Variants in NKIRAS1 observed in about 807,000 individuals in gnomAD.
NKIRAS1 encodes NF-kappa-B inhibitor-interacting Ras-like protein 1.
In NKIRAS1, 16 loss-of-function variants were observed where a neutral mutation model predicts 19.8. The ratio of observed to expected loss-of-function variants is 0.81; its 90% CI spans 0.55 to 1.23. The LOEUF (loss-of-function observed/expected upper bound fraction) is 1.23, where lower values mean the gene tolerates loss of function less well. Ranked by LOEUF, NKIRAS1 falls within the 50% of genes most tolerant of loss-of-function variation. NKIRAS1 has a pLI of 0.00. For missense variants in NKIRAS1, 184 were observed against 220.0 expected (o/e 0.84, Z 1.04); for synonymous variants, 88 against 79.0 (o/e 1.11, Z -0.61).
intron 1 of NKIRAS1, chr3:23,916,276 GAAACA>G (rs1173669776): frequency 6.6e-6 from 1 of 151,992 alleles, no homozygotes; most frequent in East Asian, 1.9e-4. Context: ...ATATTCTGGA[GAAACA>G]AAGTAAGCCA....
upstream of NKIRAS1, chr3:23,918,068 A>G (rs1422548742): frequency 5.1e-6 from 8 of 1,582,506 alleles, no homozygotes; most frequent in Non-Finnish European, 6.9e-6. Context: ...GGATAAAATT[A>G]TATTCGAGAA....
intron 3 of NKIRAS1, among the ~76,000 whole-genome samples, chr3:23,903,140 G>T (rs1177698621): frequency 6.6e-6 from 1 of 152,076 alleles, no homozygotes; most frequent in Non-Finnish European, 1.5e-5. Flanking sequence ...TTGAGACAGG[G>T]TCTCACTTTG....
At chr3:23,901,619 T>G (rs888187569) in intron 3 of NKIRAS1, among the ~76,000 whole-genome samples, 3 of 152,214 alleles carry the variant, frequency 2.0e-5, no homozygotes, top group Non-Finnish European at 2.9e-5. Context: ...GTCTCTAAGT[T>G]TATTAAGTGA....
At chr3:23,929,010 A>G (rs563028521) in intron 1 of NKIRAS1, among the ~76,000 whole-genome samples, 1 of 89,544 alleles carries the variant, frequency 1.1e-5, no homozygotes, top group African/African-American at 3.3e-5. Context: ...AAAAAAAAAA[A>G]AAAGAAAAGA....
At chr3:23,919,399 C>T (rs1023749007), upstream of NKIRAS1, 11 of 1,603,092 alleles carry the variant, frequency 6.9e-6, no homozygotes, top group Admixed American at 1.7e-5. Flanking sequence ...GCCGAAAGAG[C>T]CGTGGCCTTG....
chr3:23,919,894 T>G, upstream of NKIRAS1: 1 of 994,244 alleles, frequency 1.0e-6, no homozygotes, highest in Non-Finnish European at 1.2e-6. Context: ...TGGCTGCGTT[T>G]TTTTTAGTTT....
At chr3:23,946,055 A>AGC (rs1705687352) in intron 1 of NKIRAS1, 2 of 966,294 alleles carry the variant, frequency 2.1e-6, no homozygotes, top group Non-Finnish European at 2.5e-6. Flanking sequence ...GCTGGCTGGG[A>AGC]GCGCCGCAGC....
At chr3:23,942,601 T>G (rs1357487473) in intron 1 of NKIRAS1, among the ~76,000 whole-genome samples, 3 of 152,072 alleles carry the variant, frequency 2.0e-5, no homozygotes, top group African/African-American at 4.8e-5. Flanking sequence ...CCGGCTAATT[T>G]TGTATTTTTA....
chr3:23,915,211 CAGA>C (rs1704215956), intron 1 of NKIRAS1, among the ~76,000 whole-genome samples: 3 of 152,192 alleles, frequency 2.0e-5, no homozygotes, highest in East Asian at 3.9e-4. Flanking sequence ...CTGGAGAGGA[CAGA>C]AGGTGTAATT....
At chr3:23,923,099 T>G (rs9853532) in intron 1 of NKIRAS1, 1 of 152,042 alleles carries the variant, frequency 6.6e-6, no homozygotes, top group Non-Finnish European at 1.5e-5. Context: ...CCACGGTGCC[T>G]GGCCTACATA....
chr3:23,940,682 TTC>T (rs1188983709), intron 1 of NKIRAS1, among the ~76,000 whole-genome samples: 3 of 151,768 alleles, frequency 2.0e-5, no homozygotes, highest in African/African-American at 7.3e-5. Flanking sequence ...TTTTTATTAT[TTC>T]GTTATAACAA....
chr3:23,920,839 TA>T, upstream of NKIRAS1: 4 of 897,204 alleles, frequency 4.5e-6, no homozygotes, highest in Non-Finnish European at 5.3e-6. Flanking sequence ...TCTATTAAAC[TA>T]AAACAAATGG....
chr3:23,899,819 T>G (rs2125373945), intron 4 of NKIRAS1, among the ~76,000 whole-genome samples: 1 of 152,332 alleles, frequency 6.6e-6, no homozygotes, highest in South Asian at 2.1e-4. Flanking sequence ...TTAGGTTTCT[T>G]TTTTTGGTAA....
upstream of NKIRAS1, chr3:23,918,247 A>T (rs556595694): frequency 6.6e-6 from 6 of 906,296 alleles, no homozygotes; most frequent in Non-Finnish European, 9.9e-6. Context: ...CTAAAGCAAA[A>T]TAAACAGTGT....
At chr3:23,915,728 T>C (rs1032527435) in intron 1 of NKIRAS1, among the ~76,000 whole-genome samples, 2 of 152,194 alleles carry the variant, frequency 1.3e-5, no homozygotes, top group Non-Finnish European at 2.9e-5. Flanking sequence ...TCTATTAATC[T>C]TGCATGCTCC....
Position 23,891,368 on chromosome 3 carries a change from C to A in NKIRAS1, c.*1727G>T, listed in dbSNP as rs1021971278. On this transcript the variant is annotated 3_prime_UTR_variant, in exon 5 of 5. Coordinates refer to ENST00000425478, the MANE Select transcript of NKIRAS1 (RefSeq NM_020345.4). ...GCCTTTTGGTTGCCATTCGCAGATT[C>A]TTCTGAAATCGATAGGTATCTGCTT... 2 of 152,156 alleles carry A rather than the reference C, an allele frequency of 1.3e-5. No homozygotes were observed. Among genetic ancestry groups the A allele is most frequent in the African/African-American group, 4.8e-5 (2 of 41,424 alleles). 9.4% of individuals were successfully genotyped at this position (152,156 alleles called of 1,614,324 possible). A position where few individuals can be genotyped will look rare whatever the true frequency, so the allele number is the denominator to read the frequency against.
chr3:23,919,750 G>A (rs546142101), upstream of NKIRAS1: 16 of 1,262,576 alleles, frequency 1.3e-5, no homozygotes, highest in South Asian at 2.8e-4. Flanking sequence ...AAAACATACT[G>A]TGTGGTATAA....
intron 1 of NKIRAS1, among the ~76,000 whole-genome samples, chr3:23,939,496 C>A (rs1227920705): frequency 6.6e-6 from 1 of 152,192 alleles, no homozygotes; most frequent in Non-Finnish European, 1.5e-5. Flanking sequence ...GTAATCCCAG[C>A]ACTTTGGGAG....
At chr3:23,914,127 C>G (rs1470641778) in intron 1 of NKIRAS1, among the ~76,000 whole-genome samples, 1 of 150,808 alleles carries the variant, frequency 6.6e-6, no homozygotes, top group Non-Finnish European at 1.5e-5. Context: ...TAATCAATAA[C>G]ATTGCTAGAG....
Sources: allele counts gnomAD v4.1 joint callset (sites outside exome capture counted in the v4.1 genomes callset), GRCh38; gene constraint gnomAD v4.1.1; transcripts MANE v1.5; gene names NCBI Gene and HGNC (gene_info 2026-07-23, HGNC 2026-07-21).